Variants in UTP20 observed in about 807,000 individuals in gnomAD.
The protein encoded by UTP20 is small subunit processome component 20 homolog.
Under a neutral mutation model 329.5 loss-of-function variants are expected in UTP20, and 164 were observed. The observed-to-expected ratio is 0.50, with a 90% CI of 0.44 to 0.57. UTP20 has a LOEUF of 0.57. Among genes scored for constraint, UTP20 ranks in the 20% least tolerant of loss-of-function variants. The pLI is 0.00. For missense variants in UTP20, 3,055 were observed against 3,284.2 expected (o/e 0.93, Z 1.71); for synonymous variants, 1,151 against 1,159.3 (o/e 0.99, Z 0.14).
intron 26 of UTP20, 138 bp from the exon 27 acceptor site, chr12:101,329,103 G>A: frequency 1.3e-6 from 1 of 748,062 alleles, no homozygotes; most frequent in South Asian, 1.9e-5. Context: ...CATAAGAAAA[G>A]TGCATTGTCA....
In UTP20 at chr12:101,290,851, C is replaced by G; in HGVS notation, c.854C>G (p.Ser285Cys). The change falls in exon 8 of 62, where the codon TCC (serine) becomes TGC (cysteine). Residue 285 changes from serine (S) to cysteine (C), a missense_variant. Ser to Cys is a moderately radical substitution (Grantham distance 112). This residue lies in a region of UTP20 where 2,445 missense variants were observed against 2,575.5 expected (regional missense o/e 0.95). Transcript: ENST00000261637. ...NMVKSTVSYISKEHFGTFFEC... is the reference protein window; with the variant it reads ...NMVKSTVSYICKEHFGTFFEC... The stretch of plus-strand genomic sequence containing the variant: ...GTCAAATCCACTGTATCCTACATCT[C>G]CAAGGAACATTTTGGTACATTTTTT... The G allele has an allele frequency of 6.2e-7, 1 of 1,613,312 alleles. No homozygotes were observed. Among genetic ancestry groups the G allele is most frequent in the South Asian group, 1.1e-5 (1 of 90,812 alleles).
intron 8 of UTP20, 70 bp from the exon 9 acceptor site, chr12:101,291,672 A>T (rs939871473): frequency 6.8e-7 from 1 of 1,460,270 alleles, no homozygotes; most frequent in African/African-American, 1.4e-5. Context: ...ACTGTCCCAC[A>T]GTTTTTATTG....
intron 44 of UTP20, 68 bp downstream of exon 44, chr12:101,362,128 C>A (rs1443682242): frequency 7.1e-6 from 8 of 1,127,024 alleles, no homozygotes; most frequent in Non-Finnish European, 1.1e-5. Flanking sequence ...AATCAATTCA[C>A]CAAATAAGAA....
At position 101,299,672 on chromosome 12, in the gene UTP20, A is replaced by C; in HGVS notation, c.1431-10A>C. On this transcript the variant is annotated splice_polypyrimidine_tract_variant and intron_variant, in intron 12 of 61. Transcript: ENST00000261637. ...CTCTGTTATTTTAAACATTTTTTTT[A>C]ATCCTTCAGATTCTATATAAAGCAG... is the stretch of plus-strand genomic sequence containing the variant. 6.4e-7 allele frequency: 1 copy of C among 1,556,360 alleles called. No homozygotes were observed. Among genetic ancestry groups the C allele is most frequent in the Non-Finnish European group, 8.6e-7 (1 of 1,156,938 alleles).
chr12:101,347,980 C>T (rs1376960398), intron 38 of UTP20, among the ~76,000 whole-genome samples: 1 of 152,092 alleles, frequency 6.6e-6, no homozygotes, highest in African/African-American at 2.4e-5. Flanking sequence ...AGGCACCCGC[C>T]ACCACACCCA....
chr12:101,334,313 G>T lies in UTP20; in HGVS notation c.3562-112G>T, dbSNP rs2007419. On this transcript the variant is annotated intron_variant, in intron 28 of 61. Transcript: ENST00000261637. ...TTGTGTCATTTGGATGTTCATCTCT[G>T]TCCCTTGTCTTTTTCATCCTGTGCT... 32,761 of 829,454 alleles carry T rather than the reference G, an allele frequency of 0.039. 4,472 individuals are homozygous for T. The East Asian group carries it at 0.46, about 12-fold the overall frequency. The allele number at this position is 829,454 out of a possible 1,614,324, so 51.4% of individuals were successfully genotyped here. A position where few individuals can be genotyped will look rare whatever the true frequency, so the allele number is the denominator to read the frequency against.
At chr12:101,374,666 T>G (rs920729335) in intron 54 of UTP20, 142 bp from the exon 55 acceptor site, 28 of 584,070 alleles carry the variant, frequency 4.8e-5, no homozygotes, top group Non-Finnish European at 8.1e-5. Context: ...CAAAGCTCCA[T>G]AATTTACTGA....
intron 39 of UTP20, 101 bp downstream of exon 39, chr12:101,352,295 A>G: frequency 4.6e-6 from 6 of 1,295,554 alleles, no homozygotes; most frequent in Non-Finnish European, 5.3e-6. Flanking sequence ...AATCCAGTCT[A>G]TCATTGTTGG....
At chr12:101,308,725 GCTCT>G (rs1033358800) in intron 18 of UTP20, among the ~76,000 whole-genome samples, 3 of 131,806 alleles carry the variant, frequency 2.3e-5, no homozygotes, top group African/African-American at 9.8e-5. Flanking sequence ...CAGAACATCA[GCTCT>G]CTATGTTTTT....
rs992372403 is a variant in UTP20, at chr12:101,365,744, A to G, written c.6125+119A>G. The G allele has an allele frequency of 3.6e-5, 25 of 696,540 alleles. No homozygotes were observed. The East Asian group carries it at 7.1e-4, about 20-fold the overall frequency. 43.1% of individuals were successfully genotyped at this position (696,540 alleles called of 1,614,324 possible). On this transcript the variant is annotated intron_variant, in intron 46 of 61. Transcript: ENST00000261637. ...AAATTATATCCACCTGAGTTCTCAG[A>G]TGGTACTTTATGGTGTGATACATTT...
chr12:101,317,633 A>G lies in UTP20; in HGVS notation c.2708A>G (p.Gln903Arg), dbSNP rs200243638. The G allele has an allele frequency of 6.2e-7, 1 of 1,613,210 alleles. No homozygotes were observed. Among genetic ancestry groups the G allele is most frequent in the African/African-American group, 1.3e-5 (1 of 75,060 alleles). ...EEAVPQDESS[Q>R]KKKTRRAAAK... is the part of the protein sequence containing the mutation. Reference sequence around the variant, plus strand: ...GCAGTGCCCCAAGATGAATCCTCACAGAAGAAAAAGACGAGGAGAGCTGCA... The same window carrying G: ...GCAGTGCCCCAAGATGAATCCTCACGGAAGAAAAAGACGAGGAGAGCTGCA... Residue 903 changes from glutamine (Q) to arginine (R), a missense_variant, in exon 22 of 62, where the codon CAG becomes CGG. This residue lies in a region of UTP20 where 2,445 missense variants were observed against 2,575.5 expected (regional missense o/e 0.95). Coordinates refer to ENST00000261637, the MANE Select transcript of UTP20 (RefSeq NM_014503.3).
At chr12:101,323,693 C>T (rs1405557226) in intron 25 of UTP20, among the ~76,000 whole-genome samples, 1 of 151,832 alleles carries the variant, frequency 6.6e-6, no homozygotes, top group Non-Finnish European at 1.5e-5. Flanking sequence ...TAATATTCCT[C>T]TCTGTTTTCT....
rs774149143 is a variant in UTP20 at position 101,300,044 on chromosome 12, A to G, written c.1658A>G (p.Lys553Arg). The change falls in exon 14 of 62, where the codon AAA becomes AGA. Residue 553 changes from lysine (K) to arginine (R), a missense_variant. Lys to Arg is a conservative substitution (Grantham distance 26). This residue lies in a region of UTP20 where 2,445 missense variants were observed against 2,575.5 expected (regional missense o/e 0.95). Coordinates refer to ENST00000261637, the MANE Select transcript of UTP20 (RefSeq NM_014503.3). ...GAGGCACTCTTCATGACTGTTGACA[A>G]AGGAAGCTTTGGGAAAGGTCAGTTA... ...FIEALFMTVD[K>R]GSFGKGNLFV... The G allele has an allele frequency of 6.2e-7, 1 of 1,614,184 alleles. No homozygotes were observed. The highest frequency in any genetic ancestry group is 1.3e-5 in the African/African-American group (1 of 75,054).
Position 101,370,017 on chromosome 12 carries a change from C to G in UTP20, c.6555+126C>G, listed in dbSNP as rs976185413. ...TTACTTGAGCCTAAGAGTTCAAGAC[C>G]AGCTGGGTCAGCATAACGAGACCCC... is the stretch of plus-strand genomic sequence containing the variant. On this transcript the variant is annotated intron_variant, in intron 49 of 61. Coordinates refer to ENST00000261637, the MANE Select transcript of UTP20 (RefSeq NM_014503.3). 7 of 860,152 alleles carry G rather than the reference C, an allele frequency of 8.1e-6. No individual in the cohort carries two copies. In the Admixed American group the frequency reaches 1.9e-4, roughly 23 times the overall value. 53.3% of individuals were successfully genotyped at this position (860,152 alleles called of 1,614,324 possible).
At chr12:101,367,803 C>CCAT in intron 47 of UTP20, 57 bp from the exon 48 acceptor site, 1 of 1,025,730 alleles carries the variant, frequency 9.7e-7, no homozygotes, top group Non-Finnish European at 1.5e-6. Flanking sequence ...TCACATTTAC[C>CCAT]TAACTCATCT....
intron 2 of UTP20, among the ~76,000 whole-genome samples, chr12:101,281,635 G>T (rs1361185463): frequency 6.6e-6 from 1 of 152,068 alleles, no homozygotes; most frequent in Non-Finnish European, 1.5e-5. Context: ...AAAAATAAAG[G>T]GGCTAGACTA....
rs1872632480 is a variant in UTP20 at position 101,305,914 on chromosome 12, G to A, written c.1782-1G>A. On this transcript the variant is annotated splice_acceptor_variant, in intron 15 of 61. Coordinates refer to ENST00000261637, the MANE Select transcript of UTP20 (RefSeq NM_014503.3). LOFTEE classifies it high-confidence loss of function. ...TGGGTCTAATGAACATCTCGTTGCA[G>A]AACCTTTCCCCTGGAGCCATCTGTG... 6.3e-7 allele frequency: 1 copy of A among 1,595,498 alleles called. No individual in the cohort carries two copies. Among genetic ancestry groups the A allele is most frequent in the Non-Finnish European group, 8.6e-7 (1 of 1,169,184 alleles).
chr12:101,383,004 T>C, intron 58 of UTP20, 37 bp from the exon 59 acceptor site: 1 of 1,560,040 alleles, frequency 6.4e-7, no homozygotes, highest in Non-Finnish European at 8.6e-7. Context: ...TCAAAATCAA[T>C]GTCCAATTTC....
rs1432589311 is a variant in UTP20 at position 101,369,762 on chromosome 12, G to T, written c.6426G>T (p.Arg2142Ser). Residue 2142 changes from arginine (R) to serine (S), a missense_variant, in exon 49 of 62, where the codon AGG becomes AGT. Coordinates refer to ENST00000261637, the MANE Select transcript of UTP20 (RefSeq NM_014503.3). The part of the protein sequence containing the change: ...GALQCLIWVL[R>S]FPLPSIETKA... ...TACAGTGCCTCATCTGGGTCTTGAG[G>T]TTCCCGCTACCTTCCATAGAAACAA... The T allele has an allele frequency of 1.2e-6, 2 of 1,606,012 alleles. No homozygotes were observed. The highest frequency in any genetic ancestry group is 2.2e-5 in the East Asian group (1 of 44,824).
Sources: gnomAD v4.1 joint callset for allele counts (sites outside exome capture counted in the v4.1 genomes callset) on GRCh38, gnomAD v4.1.1 for gene constraint, gnomAD v4.1.1 regional missense constraint, MANE v1.5 for transcripts, NCBI Gene and HGNC (gene_info 2026-07-23, HGNC 2026-07-21) for gene names.